The following CTNNA2 variants were observed in gnomAD, a reference collection of about 807,000 sequenced individuals.
CTNNA2 encodes catenin alpha 2, also known as catenin alpha-2.
Under a neutral mutation model 101.0 loss-of-function variants are expected in CTNNA2, and 42 were observed. That is an observed-to-expected ratio of 0.42 (90% CI 0.32 to 0.54). CTNNA2 has a LOEUF of 0.54. Ranked by LOEUF, CTNNA2 falls within the 20% of genes least tolerant of loss-of-function variation. The pLI, the probability that CTNNA2 is intolerant of heterozygous loss-of-function variation, is 0.14. For missense variants in CTNNA2, 871 were observed against 1,223.1 expected, an observed-to-expected ratio of 0.71 and a Z score of 4.29; for synonymous variants, 450 against 456.4, an observed-to-expected ratio of 0.99 and a Z score of 0.18.
In CTNNA2 at chr2:79,189,578, C is replaced by A. The variant is rs1673825135; in HGVS notation, c.-524+4147C>A. Among the ~76,000 whole-genome samples the A allele has an allele frequency of 3.3e-5, 5 of 152,274 alleles. No homozygotes were observed. The South Asian group carries it at 1.0e-3, about 32-fold the overall frequency. On this transcript the variant is annotated intron_variant, in intron 1 of 21. Transcript: ENST00000466387. ...TGCTGCAAGAGGGGAGAGAGCACAG[C>A]TGAAGCAAAAGGCAGGAGAGTTTTC...
At chr2:79,821,421 T>C (rs983607649) in intron 3 of CTNNA2, among the ~76,000 whole-genome samples, 1 of 152,062 alleles carries the variant, frequency 6.6e-6, no homozygotes, top group East Asian at 1.9e-4. Flanking sequence ...GTTGCCCAGA[T>C]TGGTCTTGAA....
intron 12 of CTNNA2, among the ~76,000 whole-genome samples, chr2:80,558,319 C>A (rs1479931042): frequency 2.6e-5 from 4 of 152,140 alleles, no homozygotes; most frequent in African/African-American, 9.7e-5. Flanking sequence ...AAAAAAACTT[C>A]AGCTATTAAC....
intron 7 of CTNNA2, among the ~76,000 whole-genome samples, chr2:79,965,701 G>A (rs1689991120): frequency 1.3e-5 from 2 of 151,952 alleles, no homozygotes; most frequent in South Asian, 2.1e-4. Context: ...TCGCATGCCT[G>A]TAATCCCAGA....
rs140580593 is a variant in CTNNA2 at position 80,324,403 on chromosome 2, C to T, written c.1057-68808C>T. On this transcript the variant is annotated intron_variant, in intron 7 of 18. Coordinates refer to ENST00000402739, the MANE Select transcript of CTNNA2 (RefSeq NM_001282597.3). ...TTCAGCTTTCCTGTGGATTTGAGGT[C>T]GAGGGCTGCAATCATCATGACCTCT... Among the ~76,000 whole-genome samples the T allele has an allele frequency of 9.7e-3, 1,475 of 152,032 alleles. 24 individuals carry two copies. Among genetic ancestry groups the T allele is most frequent in the African/African-American group, 0.034 (1,402 of 41,448 alleles).
chr2:79,287,383 GT>G (rs1162109345), intron 2 of CTNNA2, among the ~76,000 whole-genome samples: 7 of 152,118 alleles, frequency 4.6e-5, no homozygotes, highest in Non-Finnish European at 7.3e-5. Flanking sequence ...CATCTTTGTG[GT>G]TTTATCTACT....
chr2:80,563,187 A>C (rs1258045327), intron 12 of CTNNA2, among the ~76,000 whole-genome samples: 1 of 152,132 alleles, frequency 6.6e-6, no homozygotes, highest in Non-Finnish European at 1.5e-5. Flanking sequence ...GTAGTAAATT[A>C]GGGGCCTACA....
intron 9 of CTNNA2, among the ~76,000 whole-genome samples, chr2:80,531,447 C>T (rs1690533956): frequency 6.6e-6 from 1 of 152,210 alleles, no homozygotes; most frequent in South Asian, 2.1e-4. Flanking sequence ...GCACAATTGG[C>T]CTCTTGGTTA....
intron 7 of CTNNA2, among the ~76,000 whole-genome samples, chr2:80,210,823 G>T (rs113972627): frequency 0.03 from 4,550 of 152,226 alleles, 243 homozygotes; most frequent in African/African-American, 0.1. Flanking sequence ...CTAGTTTACA[G>T]TCCCACCAAC....
At chr2:79,718,143 A>C (rs1019631803) in intron 2 of CTNNA2, among the ~76,000 whole-genome samples, 1 of 152,194 alleles carries the variant, frequency 6.6e-6, no homozygotes, top group Non-Finnish European at 1.5e-5. Flanking sequence ...CTATAGTAAT[A>C]GTGTTTCCCT....
intron 1 of CTNNA2, among the ~76,000 whole-genome samples, chr2:79,637,165 G>GT (rs1465510104): frequency 2.6e-5 from 4 of 152,166 alleles, no homozygotes; most frequent in African/African-American, 9.7e-5. Context: ...CAAGTGAGGA[G>GT]TAGGATGGTG....
At chr2:80,254,881 C>T (rs749291036) in intron 7 of CTNNA2, among the ~76,000 whole-genome samples, 6 of 152,160 alleles carry the variant, frequency 3.9e-5, no homozygotes, top group Non-Finnish European at 8.8e-5. Context: ...AGTTGGGCTA[C>T]ATCTCAAATG....
chr2:80,632,638 T>C (rs1672424032), intron 18 of CTNNA2, among the ~76,000 whole-genome samples: 1 of 152,134 alleles, frequency 6.6e-6, no homozygotes, highest in African/African-American at 2.4e-5. Context: ...TACTTTTCTC[T>C]TGTTTTGCTA....
At chr2:79,893,661 C>A (rs968603107) in intron 6 of CTNNA2, among the ~76,000 whole-genome samples, 6 of 152,152 alleles carry the variant, frequency 3.9e-5, no homozygotes, top group Non-Finnish European at 8.8e-5. Flanking sequence ...TCATATGTAT[C>A]AGTCTTTGAC....
chr2:79,378,758 A>G (rs1240801709), intron 4 of CTNNA2, among the ~76,000 whole-genome samples: 5 of 151,628 alleles, frequency 3.3e-5, no homozygotes, highest in Non-Finnish European at 7.4e-5. Context: ...TTTATAATGG[A>G]AAAAAAATCC....
intron 7 of CTNNA2, among the ~76,000 whole-genome samples, chr2:80,283,727 T>G (rs1257032883): frequency 1.2e-4 from 19 of 152,076 alleles, no homozygotes; most frequent in Admixed American, 1.2e-3. Flanking sequence ...AGTGCCCCTG[T>G]GCTCTCTTAG....
At chr2:79,759,230 A>G (rs1039149584) in intron 3 of CTNNA2, among the ~76,000 whole-genome samples, 3 of 152,058 alleles carry the variant, frequency 2.0e-5, no homozygotes, top group African/African-American at 7.2e-5. Flanking sequence ...CGTTTCTACT[A>G]AAAATACAAA....
At chr2:79,701,168 T>G (rs904133926) in intron 2 of CTNNA2, among the ~76,000 whole-genome samples, 5 of 152,208 alleles carry the variant, frequency 3.3e-5, no homozygotes, top group African/African-American at 7.2e-5. Flanking sequence ...TCCACTAGTA[T>G]GAACACATTT....
intron 8 of CTNNA2, among the ~76,000 whole-genome samples, chr2:80,415,340 T>A (rs1472752073): frequency 6.6e-6 from 1 of 152,206 alleles, no homozygotes; most frequent in African/African-American, 2.4e-5. Flanking sequence ...ACAAGATATT[T>A]CAAGCTTATT....
At chr2:80,054,333 T>C (rs1295931100) in intron 7 of CTNNA2, among the ~76,000 whole-genome samples, 3 of 152,184 alleles carry the variant, frequency 2.0e-5, no homozygotes, top group Non-Finnish European at 4.4e-5. Context: ...GTCAAAACTA[T>C]GTAGGAGTGA....
Sources: allele counts gnomAD v4.1 joint callset (sites outside exome capture counted in the v4.1 genomes callset), GRCh38; gene constraint gnomAD v4.1.1; transcripts MANE v1.5; gene names NCBI Gene and HGNC (gene_info 2026-07-23, HGNC 2026-07-21).